Variants in NRDC observed in about 807,000 individuals in gnomAD.
NRDC encodes nardilysin convertase.
NRDC carries 54 observed loss-of-function variants against 147.1 expected under a neutral mutation model. That is an observed-to-expected ratio of 0.37 (90% CI 0.29 to 0.46). The LOEUF (loss-of-function observed/expected upper bound fraction) is 0.46, where lower values mean the gene tolerates loss of function less well. Ranked by LOEUF, NRDC falls within the 20% of genes least tolerant of loss-of-function variation. NRDC has a pLI of 1.00. For missense variants in NRDC, 1,082 were observed against 1,370.6 expected, an observed-to-expected ratio of 0.79 and a Z score of 3.33; for synonymous variants, 440 against 482.1, an observed-to-expected ratio of 0.91 and a Z score of 1.14.
Position 51,789,557 on chromosome 1 carries a change from A to C in NRDC, c.3258+11T>G, listed in dbSNP as rs781698570. 1.9e-5 allele frequency: 31 copies of C among 1,609,272 alleles called. No individual in the cohort carries two copies. The South Asian group carries it at 3.3e-4, about 17-fold the overall frequency. The stretch of plus-strand genomic sequence containing the variant: ...ACCCTAGAATGGATGGAGTTAGTTA[A>C]ACATACTCACATGAACGCTGAGCAT... On this transcript the variant is annotated intron_variant, in intron 30 of 30. Transcript: ENST00000352171.
chr1:51,860,690 T>A (rs964126020), intron 1 of NRDC, among the ~76,000 whole-genome samples: 1 of 152,248 alleles, frequency 6.6e-6, no homozygotes, highest in Non-Finnish European at 1.5e-5. Flanking sequence ...ACCGAAAATA[T>A]GTTTATTCAC....
chr1:51,793,630 C>T (rs1002652396), intron 24 of NRDC, among the ~76,000 whole-genome samples: 3 of 152,128 alleles, frequency 2.0e-5, no homozygotes, highest in African/African-American at 4.8e-5. Flanking sequence ...AGGCTGAGGC[C>T]CAGGGGCAGA....
chr1:51,848,898 G>A lies in NRDC; in HGVS notation c.342-8384C>T, dbSNP rs1387250905. 7.2e-5 allele frequency among the ~76,000 whole-genome samples: 11 copies of A among 152,228 alleles called. No homozygotes were observed. In the South Asian group the frequency reaches 8.3e-4, roughly 11 times the overall value. Reference sequence around the variant, plus strand: ...ACCTTATTGTGGCTTAGCAAAGACCGACTCTAAGTAGCATGACACTAGAAC... The same window carrying A: ...ACCTTATTGTGGCTTAGCAAAGACCAACTCTAAGTAGCATGACACTAGAAC... On this transcript the variant is annotated intron_variant, in intron 1 of 30. Transcript: ENST00000352171.
At chr1:51,794,709 TCTA>T in intron 23 of NRDC, 99 bp from the exon 24 acceptor site, 1 of 1,581,032 alleles carries the variant, frequency 6.3e-7, no homozygotes, top group Admixed American at 1.8e-5. Flanking sequence ...CTCAAAAAAA[TCTA>T]CTACAAGTAG....
intron 2 of NRDC, 177 bp from the exon 3 acceptor site, chr1:51,836,389 C>G: frequency 6.2e-7 from 1 of 1,613,602 alleles, no homozygotes; most frequent in East Asian, 2.2e-5. Context: ...TCAGTTTCAC[C>G]CTGCTGCTCC....
intron 1 of NRDC, among the ~76,000 whole-genome samples, chr1:51,846,600 G>C (rs1231148452): frequency 6.6e-6 from 1 of 152,202 alleles, no homozygotes; most frequent in African/African-American, 2.4e-5. Flanking sequence ...CCTGCCTGTG[G>C]GTTCGTACTC....
intron 20 of NRDC, 100 bp from the exon 21 acceptor site, chr1:51,800,783 G>C: frequency 8.4e-7 from 1 of 1,183,850 alleles, no homozygotes; most frequent in Non-Finnish European, 1.2e-6. Context: ...ACCCAGCATG[G>C]AACTAGGCAT....
In NRDC at chr1:51,792,405, C is replaced by T. The variant is rs1678698659; in HGVS notation, c.2795G>A (p.Arg932Lys). 1 of 1,614,010 alleles carries T rather than the reference C, an allele frequency of 6.2e-7. No homozygotes were observed. Among genetic ancestry groups the T allele is most frequent in the South Asian group, 1.1e-5 (1 of 91,090 alleles). Residue 932 changes from arginine to lysine, a missense_variant, in exon 25 of 31, where the codon AGA becomes AAA. Physicochemically the swap from Arg to Lys is conservative, Grantham distance 26. This residue lies in a region of NRDC where 635 missense variants were observed against 923.8 expected (regional missense o/e 0.69). Transcript: ENST00000352171. ...AAGCAGCTCCATAAGCGTATATTCT[C>T]TTAGACTCCTGGTACCTGACTGAAA... is the stretch of plus-strand genomic sequence containing the variant. ...VYYQSGTRSL[R>K]EYTLMELLVM...
intron 24 of NRDC, chr1:51,793,868 G>A (rs905672613): frequency 6.6e-6 from 1 of 152,386 alleles, no homozygotes; most frequent in Non-Finnish European, 1.5e-5. Flanking sequence ...GGTTAAAGCA[G>A]GCTATAGGCT....
intron 9 of NRDC, 145 bp from the exon 10 acceptor site, chr1:51,818,280 T>C: frequency 1.8e-6 from 1 of 549,362 alleles, no homozygotes; most frequent in Non-Finnish European, 3.1e-6. Context: ...ACTTGCCAAT[T>C]TTCCAACTCG....
At chr1:51,852,261 T>TA (rs1681989307) in intron 1 of NRDC, among the ~76,000 whole-genome samples, 1 of 146,734 alleles carries the variant, frequency 6.8e-6, no homozygotes, top group Non-Finnish European at 1.5e-5. Context: ...TAACGCTTCT[T>TA]AGTTTCATGG....
At position 51,878,305 on chromosome 1, in the gene NRDC, A is replaced by C. The variant is rs1353432800; in HGVS notation, c.311T>G (p.Val104Gly). 9 of 1,613,448 alleles carry C rather than the reference A, an allele frequency of 5.6e-6. No individual in the cohort carries two copies. The highest frequency in any genetic ancestry group is 6.8e-6 in the Non-Finnish European group (8 of 1,179,664). The change falls in exon 1 of 31, where the codon GTC becomes GGC. Residue 104 changes from valine to glycine, a missense_variant. Coordinates refer to ENST00000352171, the MANE Select transcript of NRDC (RefSeq NM_001101662.2). Reference sequence around the variant, plus strand: ...TTGCTTGGGGTCGCTGGGAGACTTGACGATCTCAGGGTCCCCAGCATTACT... The same window carrying C: ...TTGCTTGGGGTCGCTGGGAGACTTGCCGATCTCAGGGTCCCCAGCATTACT... Reference protein sequence around the residue: ...SLSNAGDPEIVKSPSDPKQYR... With the variant: ...SLSNAGDPEIGKSPSDPKQYR...
Position 51,840,222 on chromosome 1 carries a change from G to A in NRDC, c.630+4C>T, listed in dbSNP as rs199902956. ...AATTAGAAGAAAACAGACATGACTC[G>A]CACCTGTTTTTCAGTAGTTTTTTTT... On this transcript the variant is annotated splice_donor_region_variant and intron_variant, in intron 2 of 30. Coordinates refer to ENST00000352171, the MANE Select transcript of NRDC (RefSeq NM_001101662.2). The A allele has an allele frequency of 4.0e-5, 64 of 1,587,578 alleles. No homozygotes were observed. Among genetic ancestry groups the A allele is most frequent in the Admixed American group, 5.4e-5 (3 of 55,084 alleles).
At chr1:51,793,418 GCCACAGAGGCT>G (rs760694314) in intron 24 of NRDC, among the ~76,000 whole-genome samples, 3 of 152,200 alleles carry the variant, frequency 2.0e-5, no homozygotes, top group Non-Finnish European at 2.9e-5. Flanking sequence ...GAATGCTACA[GCCACAGAGGCT>G]CCAGAGAGAA....
intron 15 of NRDC, among the ~76,000 whole-genome samples, chr1:51,810,786 C>T (rs1213784152): frequency 6.6e-6 from 1 of 152,120 alleles, no homozygotes; most frequent in East Asian, 1.9e-4. Context: ...CTTATTTACA[C>T]AAAATAACAG....
chr1:51,809,360 C>T lies in NRDC; in HGVS notation c.1945G>A (p.Glu649Lys), dbSNP rs149040151. 487 of 1,613,560 alleles carry T rather than the reference C, an allele frequency of 3.0e-4. 1 individual carries two copies. The highest frequency in any genetic ancestry group is 4.3e-4 in the Admixed American group (26 of 59,984). Residue 649 changes from glutamate to lysine, a missense_variant, in exon 17 of 31, where the codon GAA becomes AAA. By Grantham distance (56) the Glu-to-Lys change is moderately conservative (BLOSUM62 1). Coordinates refer to ENST00000352171, the MANE Select transcript of NRDC (RefSeq NM_001101662.2). ...GGAAGATGAAGATCTGGATTTAATT[C>T]GAAATTACTATTCCACAGTTCAGCC... ...SWAELWNSNF[E>K]LNPDLHLPAE...
At chr1:51,854,098 G>A (rs535385223) in intron 1 of NRDC, among the ~76,000 whole-genome samples, 196 of 152,244 alleles carry the variant, frequency 1.3e-3, no homozygotes, top group African/African-American at 4.4e-3. Context: ...AGCCAGGGGC[G>A]GTGGCTCACA....
At chr1:51,853,221 A>AT (rs1332988224) in intron 1 of NRDC, among the ~76,000 whole-genome samples, 50 of 149,204 alleles carry the variant, frequency 3.4e-4, no homozygotes, top group South Asian at 1.7e-3. Context: ...GTCTCCAAAA[A>AT]AAAATATATA....
At chr1:51,814,182 A>T in intron 13 of NRDC, 93 bp from the exon 14 acceptor site, 1 of 783,718 alleles carries the variant, frequency 1.3e-6, no homozygotes, top group South Asian at 1.5e-5. Flanking sequence ...CAGAAAAGGT[A>T]ACTATTGGGT....
Sources: allele counts gnomAD v4.1 joint callset (sites outside exome capture counted in the v4.1 genomes callset), GRCh38; gene constraint gnomAD v4.1.1; regional missense constraint gnomAD v4.1.1; transcripts MANE v1.5; gene names NCBI Gene and HGNC (gene_info 2026-07-23, HGNC 2026-07-21).